CFLAR: variants seen among roughly 807,000 people sequenced by gnomAD.
CFLAR encodes the protein CASP8 and FADD-like apoptosis regulator.
CFLAR carries 14 observed loss-of-function variants against 51.1 expected under a neutral mutation model. The ratio of observed to expected loss-of-function variants is 0.27; its 90% CI spans 0.18 to 0.43. The LOEUF is 0.43. Ranked by LOEUF, CFLAR falls within the 20% of genes least tolerant of loss-of-function variation. The pLI, the probability that CFLAR is intolerant of heterozygous loss-of-function variation, is 1.00. For missense variants in CFLAR, 390 were observed against 566.5 expected (o/e 0.69, Z 3.16); for synonymous variants, 210 against 211.6 (o/e 0.99, Z 0.06).
chr2:201,144,439 G>GA (rs922570343), intron 5 of CFLAR: 2 of 152,228 alleles, frequency 1.3e-5, no homozygotes, highest in Non-Finnish European at 2.9e-5. Context: ...GGCAATGATA[G>GA]AAAAGCAATA....
intron 3 of CFLAR, among the ~76,000 whole-genome samples, chr2:201,135,426 G>A (rs2049965476): frequency 6.6e-6 from 1 of 152,124 alleles, no homozygotes; most frequent in Non-Finnish European, 1.5e-5. Context: ...TGGCACACGT[G>A]TCTCTCTGCA....
chr2:201,149,464 T>C, intron 7 of CFLAR: 3 of 301,980 alleles, frequency 9.9e-6, no homozygotes, highest in South Asian at 4.8e-5. Flanking sequence ...AAATCACTCA[T>C]GTTTTCTCTC....
chr2:201,153,282 A>C (rs570785168), intron 8 of CFLAR: 5 of 152,252 alleles, frequency 3.3e-5, no homozygotes, highest in Non-Finnish European at 7.3e-5. Flanking sequence ...TATGGTTTTC[A>C]TCAGCTGAGA....
rs771361555 is a variant in CFLAR at position 201,130,353 on chromosome 2, C to CTTTTTTTTTTTTTTTTTTTTT, written c.281+213_281+233dup. On this transcript the variant is annotated intron_variant, in intron 2 of 9. Coordinates refer to ENST00000309955, the MANE Select transcript of CFLAR (RefSeq NM_003879.7). ...TTTCTTGCTTTCTTTTTCTTTCTTT[C>CTTTTTTTTTTTTTTTTTTTTT]TTTTTTTTTTTTTTTTTTTTTTTTT... 3.3e-5 allele frequency among the ~76,000 whole-genome samples: 3 copies of CTTTTTTTTTTTTTTTTTTTTT among 92,298 alleles called. 1 individual carries two copies. The highest frequency in any genetic ancestry group is 2.2e-4 in the Admixed American group (2 of 9,076). The allele number at this position is 92,298 out of a possible 152,430, so 60.6% of individuals were successfully genotyped here. A position where few individuals can be genotyped will look rare whatever the true frequency, so the allele number is the denominator to read the frequency against.
chr2:201,149,943 C>A, intron 8 of CFLAR, 108 bp downstream of exon 8: 1 of 825,380 alleles, frequency 1.2e-6, no homozygotes, highest in Non-Finnish European at 2.0e-6. Flanking sequence ...CAAACCAGTT[C>A]AAGAATCTGT....
At chr2:201,143,180 T>C (rs1025567002) in intron 5 of CFLAR, among the ~76,000 whole-genome samples, 3 of 152,216 alleles carry the variant, frequency 2.0e-5, no homozygotes, top group African/African-American at 7.2e-5. Flanking sequence ...AAACTTTCTA[T>C]ATTTAATATG....
chr2:201,142,986 A>T (rs1939289668), intron 5 of CFLAR, among the ~76,000 whole-genome samples: 1 of 152,218 alleles, frequency 6.6e-6, no homozygotes, highest in Non-Finnish European at 1.5e-5. Context: ...AAGCAGATTT[A>T]GGATTCAGAT....
chr2:201,143,118 T>C (rs528803106), intron 5 of CFLAR, among the ~76,000 whole-genome samples: 46 of 152,366 alleles, frequency 3.0e-4, no homozygotes, highest in Admixed American at 2.2e-3. Context: ...AGCATATTCA[T>C]TGCTATGTAG....
intron 4 of CFLAR, chr2:201,136,742 A>G: frequency 2.1e-6 from 1 of 473,530 alleles, no homozygotes; most frequent in Non-Finnish European, 3.8e-6. Flanking sequence ...TTACCCCAAC[A>G]TACTCTAAAT....
rs1401820375 is a variant in CFLAR at position 201,176,564 on chromosome 2, C to G, written c.*12591C>G. 1 of 152,092 alleles carries G rather than the reference C, an allele frequency of 6.6e-6. No individual in the cohort carries two copies. Among genetic ancestry groups the G allele is most frequent in the African/African-American group, 2.4e-5 (1 of 41,392 alleles). 9.4% of individuals were successfully genotyped at this position (152,092 alleles called of 1,614,324 possible). A position where few individuals can be genotyped will look rare whatever the true frequency, so the allele number is the denominator to read the frequency against. ...TATGCTTCCTTCTGAAAAATTATGTCAAATACTAGCAGTTTCTCACTGTTT... is the reference window on the plus strand; with the variant it reads ...TATGCTTCCTTCTGAAAAATTATGTGAAATACTAGCAGTTTCTCACTGTTT... On this transcript the variant is annotated 3_prime_UTR_variant, in exon 10 of 10. Transcript: ENST00000309955.
At chr2:201,122,807 G>A (rs554835973) in intron 1 of CFLAR, 1 of 152,342 alleles carries the variant, frequency 6.6e-6, no homozygotes, top group African/African-American at 2.4e-5. Context: ...GAGTGAAGTT[G>A]CTGGGACAGA....
At position 201,129,767 on chromosome 2, in the gene CFLAR, C is replaced by CAGCCCTCAGAAATGAAGTT. The variant is rs376356547; in HGVS notation, c.-98_-80dup. 3.2e-5 allele frequency: 36 copies of CAGCCCTCAGAAATGAAGTT among 1,114,864 alleles called. No homozygotes were observed. The African/African-American group carries it at 4.7e-4, about 14-fold the overall frequency. 69.1% of individuals were successfully genotyped at this position (1,114,864 alleles called of 1,614,324 possible). On this transcript the variant is annotated 5_prime_UTR_variant, in exon 2 of 10. The change creates a new upstream start codon in the 5' untranslated region. Coordinates refer to ENST00000309955, the MANE Select transcript of CFLAR (RefSeq NM_003879.7). ...GAAAGGATTCTGAAAGAAATGAAGT[C>CAGCCCTCAGAAATGAAGTT]AGCCCTCAGAAATGAAGTTGACTGC...
chr2:201,150,827 G>A (rs866502416), intron 8 of CFLAR, among the ~76,000 whole-genome samples: 1 of 152,152 alleles, frequency 6.6e-6, no homozygotes, highest in African/African-American at 2.4e-5. Flanking sequence ...AATTAGTCTC[G>A]CTGTGTGTCA....
intron 3 of CFLAR, among the ~76,000 whole-genome samples, chr2:201,135,476 C>T (rs949194198): frequency 9.9e-5 from 15 of 152,214 alleles, no homozygotes; most frequent in African/African-American, 2.7e-4. Flanking sequence ...TTACCACCAC[C>T]TCTGTTCTGA....
At chr2:201,161,388 A>C (rs1942974446) in intron 9 of CFLAR, among the ~76,000 whole-genome samples, 1 of 151,380 alleles carries the variant, frequency 6.6e-6, no homozygotes, top group Non-Finnish European at 1.5e-5. Flanking sequence ...CAAATAAATA[A>C]ATACAAATAA....
chr2:201,132,604 A>G (rs1005718981), intron 2 of CFLAR, among the ~76,000 whole-genome samples: 3 of 152,040 alleles, frequency 2.0e-5, no homozygotes, highest in African/African-American at 4.8e-5. Context: ...GCATCTTGCA[A>G]TTCAAAATAT....
Position 201,172,390 on chromosome 2 carries a change from T to C in CFLAR, c.*8417T>C, listed in dbSNP as rs868768641. ...TGTGGCATGGGATTGTGACATATCC[T>C]AGGTTTCCTCATCTTCTTTTTATTG... On this transcript the variant is annotated 3_prime_UTR_variant, in exon 10 of 10. Coordinates refer to ENST00000309955, the MANE Select transcript of CFLAR (RefSeq NM_003879.7). 9.2e-5 allele frequency: 14 copies of C among 152,358 alleles called. No homozygotes were observed. Among genetic ancestry groups the C allele is most frequent in the African/African-American group, 3.4e-4 (14 of 41,586 alleles). 9.4% of individuals were successfully genotyped at this position (152,358 alleles called of 1,614,324 possible).
In CFLAR at chr2:201,138,353, G is replaced by T. The variant is rs138142771; in HGVS notation, c.524-2004G>T. ...CAGCAGCTGCTCATGGGAATCCTTG[G>T]AGGCCACAGGGTAGTCTCGGTTCTT... On this transcript the variant is annotated intron_variant, in intron 4 of 9. Transcript: ENST00000309955. This position sits in a 1 kb window ranked among gnomAD's most constrained non-coding sequence, Gnocchi z 4.0. 1 of 769,222 alleles carries T rather than the reference G, an allele frequency of 1.3e-6. No individual in the cohort carries two copies. Among genetic ancestry groups the T allele is most frequent in the East Asian group, 2.4e-5 (1 of 40,986 alleles). 47.6% of individuals were successfully genotyped at this position (769,222 alleles called of 1,614,324 possible).
chr2:201,136,455 C>T, intron 4 of CFLAR: 3 of 1,597,554 alleles, frequency 1.9e-6, no homozygotes, highest in Non-Finnish European at 2.5e-6. Flanking sequence ...TGGTATTTGG[C>T]CTCACAACCA....
Sources: gnomAD v4.1 joint callset for allele counts (sites outside exome capture counted in the v4.1 genomes callset) on GRCh38, gnomAD v4.1.1 for gene constraint, Gnocchi (gnomAD v3.1) non-coding constraint, MANE v1.5 for transcripts, NCBI Gene and HGNC (gene_info 2026-07-23, HGNC 2026-07-21) for gene names.